The following CDH7 variants were observed in gnomAD, a reference collection of about 807,000 sequenced individuals.
The protein encoded by CDH7 is cadherin 7.
In CDH7, 25 loss-of-function variants were observed where a neutral mutation model predicts 71.8. The observed-to-expected ratio is 0.35, with a 90% CI of 0.25 to 0.49. The LOEUF is 0.49. Ranked by LOEUF, CDH7 falls within the 20% of genes least tolerant of loss-of-function variation. CDH7 has a pLI of 0.99. For synonymous variants in CDH7, 381 were observed against 363.8 expected (o/e 1.05, Z -0.54); for missense variants, 862 against 974.6 (o/e 0.88, Z 1.54).
At chr18:65,849,523 C>T (rs1414355940) in intron 7 of CDH7, among the ~76,000 whole-genome samples, 1 of 151,556 alleles carries the variant, frequency 6.6e-6, no homozygotes, top group Non-Finnish European at 1.5e-5. Flanking sequence ...AGCAATTCTT[C>T]TGCCCCTGCC....
At chr18:65,829,879 G>A (rs1298802565) in intron 6 of CDH7, among the ~76,000 whole-genome samples, 1 of 150,100 alleles carries the variant, frequency 6.7e-6, no homozygotes, top group African/African-American at 2.5e-5. Context: ...TAAATATTCT[G>A]ATTTTTTTCA....
In CDH7 at chr18:65,809,825, A is replaced by C. The variant is rs1298383713; in HGVS notation, c.332A>C (p.Asp111Ala). 1 of 1,613,962 alleles carries C rather than the reference A, an allele frequency of 6.2e-7. No homozygotes were observed. The highest frequency in any genetic ancestry group is 8.5e-7 in the Non-Finnish European group (1 of 1,180,016). The change falls in exon 3 of 12, where the codon GAT becomes GCT. Residue 111 changes from aspartate to alanine, a missense_variant. Physicochemically the swap from Asp to Ala is moderately radical, Grantham distance 126. Transcript: ENST00000397968. The stretch of plus-strand genomic sequence containing the variant: ...GATATTCATGCCACCAAGAGACTGG[A>C]TCGTGAGGAGCAGGCCTACTACACG... ...TGDIHATKRL[D>A]REEQAYYTLR...
chr18:65,755,467 AT>A (rs1279809191), intron 1 of CDH7, among the ~76,000 whole-genome samples: 2 of 152,122 alleles, frequency 1.3e-5, no homozygotes, highest in Non-Finnish European at 2.9e-5. Context: ...AAACTATTAC[AT>A]TTTTCAGTAT....
chr18:65,880,442 G>T lies in CDH7; in HGVS notation c.1906G>T (p.Glu636Ter). The change falls in exon 12 of 12, where the codon GAG (glutamate) becomes TAG (stop). Residue 636 changes from glutamate to a stop codon, truncating the protein, a stop_gained. Transcript: ENST00000397968. LOFTEE classifies it high-confidence loss of function. ...CGTCACTATGAGAAGACGGAAAAAAGAGCCCCTTATTTTTGACGAAGAAAG... is the reference window on the plus strand; with the variant it reads ...CGTCACTATGAGAAGACGGAAAAAATAGCCCCTTATTTTTGACGAAGAAAG... The part of the protein sequence containing the change: ...LIVTMRRRKK[E>*]PLIFDEERDI... The T allele has an allele frequency of 6.4e-7, 1 of 1,565,208 alleles. No individual in the cohort carries two copies. The highest frequency in any genetic ancestry group is 8.6e-7 in the Non-Finnish European group (1 of 1,162,738).
At chr18:65,803,544 TTAGGAA>T (rs1269508583) in intron 2 of CDH7, 2 of 152,096 alleles carry the variant, frequency 1.3e-5, no homozygotes, top group Admixed American at 1.3e-4. Flanking sequence ...TAATTATAAA[TTAGGAA>T]TACTTCAACC....
Position 65,843,792 on chromosome 18 carries a change from C to T in CDH7, c.982-20C>T. The T allele has an allele frequency of 1.4e-6, 2 of 1,474,566 alleles. No homozygotes were observed. The highest frequency in any genetic ancestry group is 1.8e-6 in the Non-Finnish European group (2 of 1,108,652). 91.3% of individuals were successfully genotyped at this position (1,474,566 alleles called of 1,614,324 possible). A position where few individuals can be genotyped will look rare whatever the true frequency, so the allele number is the denominator to read the frequency against. ...ACTGTTTAACCGGTAATTTAATTTT[C>T]CTAACGACTTTCTTTACAGGAGCTG... On this transcript the variant is annotated intron_variant, in intron 6 of 11. Coordinates refer to ENST00000397968, the MANE Select transcript of CDH7 (RefSeq NM_004361.5).
chr18:65,875,166 G>A (rs1914038107), intron 11 of CDH7, among the ~76,000 whole-genome samples: 1 of 152,198 alleles, frequency 6.6e-6, no homozygotes, highest in African/African-American at 2.4e-5. Context: ...GAAGCCAAAA[G>A]ATTGGACACC....
intron 4 of CDH7, among the ~76,000 whole-genome samples, chr18:65,818,367 G>C (rs1911796812): frequency 6.6e-6 from 1 of 152,172 alleles, no homozygotes; most frequent in African/African-American, 2.4e-5. Context: ...GAAGATGGCA[G>C]TTAGGACTCA....
At chr18:65,873,814 G>A (rs1376351675) in intron 11 of CDH7, among the ~76,000 whole-genome samples, 1 of 152,068 alleles carries the variant, frequency 6.6e-6, no homozygotes, top group Non-Finnish European at 1.5e-5. Context: ...CTCTTATGTT[G>A]GACTTTCTCT....
intron 11 of CDH7, among the ~76,000 whole-genome samples, chr18:65,874,469 C>T (rs1015299510): frequency 6.6e-6 from 1 of 151,960 alleles, no homozygotes; most frequent in Non-Finnish European, 1.5e-5. Context: ...CTAAACAATG[C>T]GTACACATGG....
chr18:65,859,827 T>C lies in CDH7; in HGVS notation c.1612+2T>C. 6.7e-7 allele frequency: 1 copy of C among 1,498,886 alleles called. No homozygotes were observed. Among genetic ancestry groups the C allele is most frequent in the Non-Finnish European group, 9.3e-7 (1 of 1,075,402 alleles). The allele number at this position is 1,498,886 out of a possible 1,614,324, so 92.8% of individuals were successfully genotyped here. A position where few individuals can be genotyped will look rare whatever the true frequency, so the allele number is the denominator to read the frequency against. On this transcript the variant is annotated splice_donor_variant, in intron 10 of 11. Coordinates refer to ENST00000397968, the MANE Select transcript of CDH7 (RefSeq NM_004361.5). LOFTEE classifies it high-confidence loss of function. ...ACTTTTCATTGAAAGATAACAAAGG[T>C]AATGTATTAATATTGTTACCGATAG... is the stretch of plus-strand genomic sequence containing the variant.
chr18:65,774,960 C>G (rs772981721), intron 2 of CDH7, among the ~76,000 whole-genome samples: 2 of 151,976 alleles, frequency 1.3e-5, no homozygotes, highest in Non-Finnish European at 2.9e-5. Context: ...TCTCTCAAAG[C>G]GAAGATAGTA....
intron 7 of CDH7, among the ~76,000 whole-genome samples, chr18:65,857,317 T>TATAATA (rs4047847): frequency 3.8e-5 from 5 of 131,926 alleles, no homozygotes; most frequent in Admixed American, 1.6e-4. Context: ...ACCCTGCATC[T>TATAATA]ATAATAATAA....
chr18:65,852,852 AG>A (rs767013896), intron 7 of CDH7, among the ~76,000 whole-genome samples: 26 of 152,322 alleles, frequency 1.7e-4, no homozygotes, highest in Non-Finnish European at 1.9e-4. Context: ...TAAGGAAAAA[AG>A]GTAAACTATA....
At chr18:65,802,156 C>A (rs935024845) in intron 2 of CDH7, among the ~76,000 whole-genome samples, 1 of 152,152 alleles carries the variant, frequency 6.6e-6, no homozygotes, top group Admixed American at 6.5e-5. Flanking sequence ...TATTCATGGG[C>A]CCAGTGCTTC....
chr18:65,785,198 C>A (rs914550688), intron 2 of CDH7, among the ~76,000 whole-genome samples: 11 of 151,740 alleles, frequency 7.2e-5, no homozygotes, highest in Admixed American at 1.3e-4. Flanking sequence ...AGAACCATGA[C>A]TTGTCTAAAA....
At chr18:65,790,440 GTACTC>G (rs1910674384) in intron 2 of CDH7, among the ~76,000 whole-genome samples, 1 of 151,786 alleles carries the variant, frequency 6.6e-6, no homozygotes, top group South Asian at 2.1e-4. Context: ...GTAAGAATAA[GTACTC>G]TACAATACAC....
chr18:65,854,602 A>G (rs1470110849), intron 7 of CDH7, among the ~76,000 whole-genome samples: 4 of 152,174 alleles, frequency 2.6e-5, no homozygotes, highest in Non-Finnish European at 5.9e-5. Context: ...GTGGGGAATT[A>G]CATGAATTCA....
intron 11 of CDH7, among the ~76,000 whole-genome samples, chr18:65,867,496 A>G (rs1913800528): frequency 6.6e-6 from 1 of 152,218 alleles, no homozygotes; most frequent in Non-Finnish European, 1.5e-5. Flanking sequence ...TGAATGACTA[A>G]GACATTCGAT....
Sources: allele counts gnomAD v4.1 joint callset (sites outside exome capture counted in the v4.1 genomes callset), GRCh38; gene constraint gnomAD v4.1.1; transcripts MANE v1.5; gene names NCBI Gene and HGNC (gene_info 2026-07-23, HGNC 2026-07-21).